The following DNAH12 variants were observed in gnomAD, a reference collection of about 807,000 sequenced individuals.
DNAH12 encodes axonemal beta dynein heavy chain 12.
Under a neutral mutation model 371.5 loss-of-function variants are expected in DNAH12, and 285 were observed. The observed-to-expected ratio is 0.77, with a 90% CI of 0.70 to 0.85. The LOEUF (loss-of-function observed/expected upper bound fraction) is 0.85, where lower values mean the gene tolerates loss of function less well. Among genes scored for constraint, DNAH12 ranks in the 40% least tolerant of loss-of-function variants. DNAH12 has a pLI of 0.00. For missense variants in DNAH12, 3,611 were observed against 3,689.4 expected, an observed-to-expected ratio of 0.98 and a Z score of 0.55; for synonymous variants, 1,200 against 1,213.0, an observed-to-expected ratio of 0.99 and a Z score of 0.22.
intron 43 of DNAH12, among the ~76,000 whole-genome samples, chr3:57,395,581 TAG>T (rs2063720164): frequency 1.3e-5 from 2 of 152,138 alleles, no homozygotes; most frequent in East Asian, 1.9e-4. Flanking sequence ...TCATCAAAAC[TAG>T]AGAGTCTAGT....
At chr3:57,550,855 G>A in the DNAH12 span, among the ~76,000 whole-genome samples, 1 of 149,114 alleles carries the variant, frequency 6.7e-6, no homozygotes, top group Non-Finnish European at 1.5e-5. Flanking sequence ...CATTTTTTTT[G>A]TTATTGTTTC....
At chr3:57,328,383 C>T (rs1346066644) in intron 62 of DNAH12, among the ~76,000 whole-genome samples, 67 of 140,844 alleles carry the variant, frequency 4.8e-4, no homozygotes, top group Non-Finnish European at 7.6e-4. Flanking sequence ...GGCTTCATCC[C>T]TGGGATGCAA....
At chr3:57,399,158 A>G (rs2063804502) in intron 43 of DNAH12, among the ~76,000 whole-genome samples, 1 of 152,184 alleles carries the variant, frequency 6.6e-6, no homozygotes, top group Non-Finnish European at 1.5e-5. Context: ...AACTACAAAG[A>G]AAACATAGAA....
the DNAH12 span, among the ~76,000 whole-genome samples, chr3:57,555,832 G>A: frequency 6.6e-6 from 1 of 152,236 alleles, no homozygotes; most frequent in Non-Finnish European, 1.5e-5. Flanking sequence ...AACCCACCAG[G>A]CCACCGAAAC....
In DNAH12 at chr3:57,471,704, G is replaced by C. The variant is rs2153380723; in HGVS notation, c.1777-98C>G. 4 of 1,099,378 alleles carry C rather than the reference G, an allele frequency of 3.6e-6. No homozygotes were observed. In the East Asian group the frequency reaches 1.2e-4, roughly 34 times the overall value. The allele number at this position is 1,099,378 out of a possible 1,614,324, so 68.1% of individuals were successfully genotyped here. On this transcript the variant is annotated intron_variant, in intron 14 of 73. Coordinates refer to ENST00000495027, the MANE Select transcript of DNAH12 (RefSeq NM_001366028.2). The stretch of plus-strand genomic sequence containing the variant: ...GTGTATAATAATAAAAACCATCAGA[G>C]AAGTAAAAATGAGTACAAAAATAAA...
At chr3:57,303,399 CTTTCT>C (rs1482588623) in intron 69 of DNAH12, among the ~76,000 whole-genome samples, 1 of 137,554 alleles carries the variant, frequency 7.3e-6, no homozygotes, top group African/African-American at 2.6e-5. Context: ...GGAACTTTTT[CTTTCT>C]TTTCTTTTTC....
intron 58 of DNAH12, among the ~76,000 whole-genome samples, 191 bp from the exon 59 acceptor site, chr3:57,357,539 A>G (rs1470657485): frequency 2.0e-5 from 3 of 152,206 alleles, no homozygotes; most frequent in African/African-American, 7.2e-5. Context: ...GGGATGAAGG[A>G]AAGAACTAGG....
chr3:57,537,836 T>C (rs1044317513), intron 2 of DNAH12, among the ~76,000 whole-genome samples: 3 of 151,946 alleles, frequency 2.0e-5, no homozygotes, highest in Admixed American at 6.6e-5. Context: ...AGGCATGCAC[T>C]ACCACGCCCA....
At chr3:57,334,647 G>A in intron 61 of DNAH12, 38 bp from the exon 62 acceptor site, 1 of 1,518,852 alleles carries the variant, frequency 6.6e-7, no homozygotes, top group Non-Finnish European at 8.8e-7. Flanking sequence ...CTTTTTATTG[G>A]GAAAAACTTA....
At chr3:57,408,974 C>A (rs1196115985) in intron 39 of DNAH12, among the ~76,000 whole-genome samples, 1 of 152,134 alleles carries the variant, frequency 6.6e-6, no homozygotes, top group Non-Finnish European at 1.5e-5. Context: ...CCCTTTTACT[C>A]CAGAAATGTC....
Position 57,461,661 on chromosome 3 carries a change from G to A in DNAH12, c.2564C>T (p.Thr855Ile). 2 of 1,550,912 alleles carry A rather than the reference G, an allele frequency of 1.3e-6. 1 individual carries two copies. Among genetic ancestry groups the A allele is most frequent in the African/African-American group, 2.7e-5 (2 of 73,112 alleles). The change falls in exon 19 of 74, where the codon ACA becomes ATA. Residue 855 changes from threonine (T) to isoleucine (I), a missense_variant. This residue lies in a region of DNAH12 where 1,314 missense variants were observed against 1,398.7 expected (regional missense o/e 0.94). Coordinates refer to ENST00000495027, the MANE Select transcript of DNAH12 (RefSeq NM_001366028.2). ...KEFSLEKAMN[T>I]MIGTWEDIAF... ...AATATCTTCCCAAGTTCCTATCATT[G>A]TATTCATGGCTTTCTCTAATGAAAA...
intron 62 of DNAH12, among the ~76,000 whole-genome samples, chr3:57,327,647 G>A (rs1036005168): frequency 6.6e-6 from 1 of 151,678 alleles, no homozygotes; most frequent in Admixed American, 6.6e-5. Context: ...ACAATTAAAA[G>A]AACTAGAAAA....
chr3:57,294,773 G>C (rs1304199959), intron 73 of DNAH12, among the ~76,000 whole-genome samples: 2 of 152,116 alleles, frequency 1.3e-5, no homozygotes, highest in Non-Finnish European at 2.9e-5. Flanking sequence ...TTCATGAAAA[G>C]AAACTATATA....
chr3:57,373,443 G>A (rs1043778964), intron 55 of DNAH12, among the ~76,000 whole-genome samples: 12 of 150,840 alleles, frequency 8.0e-5, no homozygotes, highest in South Asian at 2.1e-4. Flanking sequence ...AGCCTCCTGC[G>A]TAGCTGGATT....
chr3:57,301,677 TACAC>T (rs57748737), intron 70 of DNAH12, 54 bp downstream of exon 70: 78,961 of 1,132,750 alleles, frequency 0.07, 1,373 homozygotes, highest in African/African-American at 0.099. Context: ...ACATGTATTT[TACAC>T]ACACACACAC....
In DNAH12 at chr3:57,504,208, C is replaced by G. The variant is rs766605177; in HGVS notation, c.898-4G>C. The G allele has an allele frequency of 1.9e-6, 3 of 1,599,322 alleles. No individual in the cohort carries two copies. Among genetic ancestry groups the G allele is most frequent in the Non-Finnish European group, 2.6e-6 (3 of 1,171,106 alleles). On this transcript the variant is annotated splice_region_variant and splice_polypyrimidine_tract_variant and intron_variant, in intron 8 of 73. Transcript: ENST00000495027. ...TTCTCCTTAATAGATCCTTTAGCTG[C>G]GTGATATAAATCACTGTTACTTTAG...
chr3:57,463,139 T>C (rs1445190861), intron 17 of DNAH12, among the ~76,000 whole-genome samples: 1 of 152,020 alleles, frequency 6.6e-6, no homozygotes, highest in Non-Finnish European at 1.5e-5. Flanking sequence ...CCAGGCACAA[T>C]GGTTCATGCC....
chr3:57,466,292 C>T (rs1402982936), intron 17 of DNAH12, among the ~76,000 whole-genome samples: 1 of 152,072 alleles, frequency 6.6e-6, no homozygotes, highest in Non-Finnish European at 1.5e-5. Context: ...TGGAACTATA[C>T]ACAAGAAGGT....
intron 11 of DNAH12, among the ~76,000 whole-genome samples, chr3:57,491,788 AT>A (rs1337616401): frequency 6.6e-6 from 1 of 151,970 alleles, no homozygotes; most frequent in Non-Finnish European, 1.5e-5. Flanking sequence ...AAAAATAATA[AT>A]TTTTTTAAAA....
Sources: gnomAD v4.1 joint callset for allele counts (sites outside exome capture counted in the v4.1 genomes callset) on GRCh38, gnomAD v4.1.1 for gene constraint, gnomAD v4.1.1 regional missense constraint, MANE v1.5 for transcripts, NCBI Gene and HGNC (gene_info 2026-07-23, HGNC 2026-07-21) for gene names.